Variants in ZFPM2 observed in about 807,000 individuals in gnomAD.
ZFPM2 encodes the protein zinc finger protein ZFPM2.
In ZFPM2, 20 loss-of-function variants were observed where a neutral mutation model predicts 98.6. The observed-to-expected ratio is 0.20, with a 90% CI of 0.14 to 0.29. The LOEUF (loss-of-function observed/expected upper bound fraction) is 0.29, where lower values mean the gene tolerates loss of function less well. ZFPM2 is among the 10% of genes least tolerant of loss of function. The pLI is 1.00. For missense variants in ZFPM2, 1,310 were observed against 1,388.6 expected, an observed-to-expected ratio of 0.94 and a Z score of 0.90; for synonymous variants, 518 against 502.7, an observed-to-expected ratio of 1.03 and a Z score of -0.41.
At chr8:105,682,447 A>G (rs568099771) in intron 5 of ZFPM2, among the ~76,000 whole-genome samples, 1 of 152,308 alleles carries the variant, frequency 6.6e-6, no homozygotes, top group East Asian at 1.9e-4. Context: ...TTTATAGAAT[A>G]CAGAAAATAA....
intron 5 of ZFPM2, among the ~76,000 whole-genome samples, chr8:105,679,975 T>C (rs1410809899): frequency 6.6e-6 from 1 of 152,192 alleles, no homozygotes; most frequent in African/African-American, 2.4e-5. Flanking sequence ...AACTTGATGC[T>C]GCAAGTTTGC....
chr8:105,583,421 A>G (rs994757318), intron 4 of ZFPM2, among the ~76,000 whole-genome samples: 3 of 152,138 alleles, frequency 2.0e-5, no homozygotes, highest in Non-Finnish European at 2.9e-5. Context: ...TAAGCTTTCT[A>G]ATGCTTACAG....
intron 1 of ZFPM2, among the ~76,000 whole-genome samples, chr8:105,342,220 C>A (rs1245478949): frequency 1.3e-5 from 2 of 151,976 alleles, no homozygotes; most frequent in Non-Finnish European, 2.9e-5. Flanking sequence ...CTTTCTGCCA[C>A]ATATGTTGGT....
At chr8:105,675,724 A>G (rs1477337307) in intron 5 of ZFPM2, among the ~76,000 whole-genome samples, 1 of 152,166 alleles carries the variant, frequency 6.6e-6, no homozygotes, top group South Asian at 2.1e-4. Context: ...GGAAGCTCTA[A>G]ATATCAGGCC....
chr8:105,378,300 C>A (rs1044558836), intron 1 of ZFPM2, among the ~76,000 whole-genome samples: 1 of 152,116 alleles, frequency 6.6e-6, no homozygotes, highest in African/African-American at 2.4e-5. Context: ...CCCTCAGTTT[C>A]TATCTGTAAT....
chr8:105,597,823 G>A (rs1816002791), intron 4 of ZFPM2, among the ~76,000 whole-genome samples: 1 of 151,960 alleles, frequency 6.6e-6, no homozygotes, highest in Admixed American at 6.6e-5. Flanking sequence ...GAATGATAGT[G>A]AATCAAATTC....
intron 1 of ZFPM2, among the ~76,000 whole-genome samples, chr8:105,359,367 C>CTTTTTTTTTTTTTTTTT (rs111675257): frequency 7.4e-5 from 10 of 135,352 alleles, no homozygotes; most frequent in Non-Finnish European, 7.9e-5. Flanking sequence ...CTTTTTCTTT[C>CTTTTTTTTTTTTTTTTT]TTTTTTTTTT....
chr8:105,768,443 AG>A (rs1452937860), intron 5 of ZFPM2, among the ~76,000 whole-genome samples: 1 of 151,944 alleles, frequency 6.6e-6, no homozygotes, highest in Admixed American at 6.6e-5. Context: ...TACAAGTTTT[AG>A]GGGGATATTA....
At chr8:105,673,207 T>TTTTTTTTTTTTTTTTTTTTTAA in intron 5 of ZFPM2, among the ~76,000 whole-genome samples, 1 of 149,152 alleles carries the variant, frequency 6.7e-6, no homozygotes, top group South Asian at 2.1e-4. Context: ...TTTTTTTTTT[T>TTTTTTTTTTTTTTTTTTTTTAA]ACCGATCGTA....
intron 3 of ZFPM2, among the ~76,000 whole-genome samples, chr8:105,448,868 C>A (rs931505572): frequency 6.6e-6 from 1 of 152,010 alleles, no homozygotes; most frequent in South Asian, 2.1e-4. Context: ...CTTTGTTAAA[C>A]ACTTTTCACT....
chr8:105,337,315 C>G (rs988452909), intron 1 of ZFPM2, among the ~76,000 whole-genome samples: 1 of 151,726 alleles, frequency 6.6e-6, no homozygotes, highest in East Asian at 1.9e-4. Flanking sequence ...AAACATTTTG[C>G]TACTGGGTTA....
chr8:105,529,752 A>G (rs1262385250), intron 3 of ZFPM2, among the ~76,000 whole-genome samples: 1 of 151,952 alleles, frequency 6.6e-6, no homozygotes, highest in South Asian at 2.1e-4. Context: ...TCTTTTTGAG[A>G]TGGAGTCTTG....
chr8:105,435,290 A>T (rs1396635099), intron 2 of ZFPM2, among the ~76,000 whole-genome samples: 1 of 152,204 alleles, frequency 6.6e-6, no homozygotes, highest in African/African-American at 2.4e-5. Flanking sequence ...AATTTTGGAA[A>T]TATTATAGAT....
intron 1 of ZFPM2, among the ~76,000 whole-genome samples, chr8:105,372,031 TA>T (rs369226068): frequency 4.0e-5 from 5 of 124,944 alleles, no homozygotes; most frequent in Non-Finnish European, 5.3e-5. Flanking sequence ...TTATTATTAT[TA>T]TTATTATTAT....
chr8:105,545,486 A>G (rs1814674787), intron 3 of ZFPM2, among the ~76,000 whole-genome samples: 1 of 152,164 alleles, frequency 6.6e-6, no homozygotes, highest in Non-Finnish European at 1.5e-5. Flanking sequence ...TAGAAAGAAA[A>G]AGGAGGTAAT....
At chr8:105,748,940 C>G (rs1404059629) in intron 5 of ZFPM2, among the ~76,000 whole-genome samples, 2 of 152,000 alleles carry the variant, frequency 1.3e-5, no homozygotes, top group Non-Finnish European at 2.9e-5. Flanking sequence ...CATTAAATCA[C>G]TTGGGAAATT....
rs139515252 is a variant in ZFPM2 at position 105,717,947 on chromosome 8, A to C, written c.533-70771A>C. Among the ~76,000 whole-genome samples, 664 of 151,936 alleles carry C rather than the reference A, an allele frequency of 4.4e-3. 7 individuals carry two copies. Among genetic ancestry groups the C allele is most frequent in the South Asian group, 0.018 (88 of 4,806 alleles). ...GTAGCTGGGCTGAAACTTGAACCCAAGTGGTTAGACTCCTGGCTCCTACTA... is the reference window on the plus strand; with the variant it reads ...GTAGCTGGGCTGAAACTTGAACCCACGTGGTTAGACTCCTGGCTCCTACTA... On this transcript the variant is annotated intron_variant, in intron 5 of 7. Transcript: ENST00000407775.
At chr8:105,754,719 AT>A (rs1186820206) in intron 5 of ZFPM2, among the ~76,000 whole-genome samples, 1 of 150,738 alleles carries the variant, frequency 6.6e-6, no homozygotes, top group Admixed American at 6.6e-5. Flanking sequence ...AAAGCTTGTG[AT>A]TTTTTCCCCC....
chr8:105,388,241 G>C (rs577617157), intron 1 of ZFPM2, among the ~76,000 whole-genome samples: 3 of 152,188 alleles, frequency 2.0e-5, no homozygotes, highest in Non-Finnish European at 4.4e-5. Context: ...GAAATCAGTG[G>C]CAACATAGAG....
Sources: allele counts gnomAD v4.1 joint callset (sites outside exome capture counted in the v4.1 genomes callset), GRCh38; gene constraint gnomAD v4.1.1; transcripts MANE v1.5; gene names NCBI Gene and HGNC (gene_info 2026-07-23, HGNC 2026-07-21).